TAF3: variants seen among roughly 807,000 people sequenced by gnomAD.
TAF3 encodes transcription initiation factor TFIID subunit 3.
Under a neutral mutation model 80.6 loss-of-function variants are expected in TAF3, and 7 were observed. The observed-to-expected ratio is 0.09, with a 90% CI of 0.05 to 0.16. The LOEUF (loss-of-function observed/expected upper bound fraction) is 0.16. TAF3 is among the 10% of genes least tolerant of loss of function. TAF3 has a pLI of 1.00. For missense variants in TAF3, 921 were observed against 1,140.2 expected (o/e 0.81, Z 2.77); for synonymous variants, 444 against 446.1 (o/e 1.00, Z 0.06).
rs1296075244 is a variant in TAF3 at position 7,955,442 on chromosome 10, A to T, written c.410-8478A>T. On this transcript the variant is annotated intron_variant, in intron 2 of 6. Transcript: ENST00000344293. ...ATACGTTTAATTTTTGATGAAATAT[A>T]TGCAGATAGCATTTTGTTGTTCCTT... 2.6e-5 allele frequency among the ~76,000 whole-genome samples: 4 copies of T among 152,248 alleles called. No individual in the cohort carries two copies. The East Asian group carries it at 7.7e-4, about 29-fold the overall frequency.
At chr10:7,976,486 C>T (rs992486782) in intron 3 of TAF3, among the ~76,000 whole-genome samples, 77 of 150,842 alleles carry the variant, frequency 5.1e-4, no homozygotes, top group Middle Eastern at 3.5e-3. Context: ...ATGATCTCGG[C>T]TCACTGTAAG....
At chr10:7,899,152 T>C (rs1320454777) in intron 2 of TAF3, among the ~76,000 whole-genome samples, 2 of 152,176 alleles carry the variant, frequency 1.3e-5, no homozygotes, top group African/African-American at 4.8e-5. Context: ...AGATTGAAGC[T>C]TTACTCAATA....
intron 2 of TAF3, among the ~76,000 whole-genome samples, chr10:7,940,944 GCAAGACCCTGTCT>G (rs1211764564): frequency 9.3e-5 from 14 of 151,010 alleles, no homozygotes; most frequent in Admixed American, 8.6e-4. Context: ...GGAAGACAGA[GCAAGACCCTGTCT>G]CAAAAAAGAA....
intron 4 of TAF3, among the ~76,000 whole-genome samples, chr10:7,982,540 A>G (rs1194836270): frequency 6.6e-6 from 1 of 152,092 alleles, no homozygotes; most frequent in Non-Finnish European, 1.5e-5. Context: ...CTAGGATTTC[A>G]GGCATGTGCC....
intron 2 of TAF3, among the ~76,000 whole-genome samples, chr10:7,944,693 G>A (rs909024966): frequency 6.6e-6 from 1 of 152,216 alleles, no homozygotes; most frequent in Non-Finnish European, 1.5e-5. Context: ...AATGGAATTG[G>A]TATATCTGTG....
At position 7,887,180 on chromosome 10, in the gene TAF3, C is replaced by T. The variant is rs189086367; in HGVS notation, c.409+62620C>T. On this transcript the variant is annotated intron_variant, in intron 2 of 6. Coordinates refer to ENST00000344293, the MANE Select transcript of TAF3 (RefSeq NM_031923.4). The stretch of plus-strand genomic sequence containing the variant: ...CCGGGAGGTGGAGCTTGCAGTGAGC[C>T]GAGATCGCACCACTGCACTCCTGCC... 8.2e-3 allele frequency among the ~76,000 whole-genome samples: 1,230 copies of T among 150,314 alleles called. 15 individuals carry two copies. The highest frequency in any genetic ancestry group is 0.027 in the African/African-American group (1,109 of 40,910).
At chr10:7,937,591 C>T (rs1837932982) in intron 2 of TAF3, among the ~76,000 whole-genome samples, 1 of 152,068 alleles carries the variant, frequency 6.6e-6, no homozygotes, top group Non-Finnish European at 1.5e-5. Context: ...GGTGACAGTC[C>T]TTTATCAGAT....
intron 1 of TAF3, among the ~76,000 whole-genome samples, chr10:7,821,279 A>G (rs192556363): frequency 3.3e-5 from 5 of 152,210 alleles, no homozygotes; most frequent in East Asian, 3.9e-4. Context: ...TCTTTTTTCT[A>G]TACCAGCCTT....
chr10:7,989,349 A>C (rs1163284429), intron 4 of TAF3, among the ~76,000 whole-genome samples: 1 of 152,192 alleles, frequency 6.6e-6, no homozygotes, highest in Non-Finnish European at 1.5e-5. Context: ...CTGTGTAGAG[A>C]CAGGCAAACC....
chr10:7,890,342 C>T (rs925352116), intron 2 of TAF3, among the ~76,000 whole-genome samples: 2 of 152,166 alleles, frequency 1.3e-5, no homozygotes, highest in African/African-American at 4.8e-5. Flanking sequence ...TGGTATAGCC[C>T]TTTATCATGC....
chr10:7,874,672 A>T (rs563367706), intron 2 of TAF3, among the ~76,000 whole-genome samples: 220 of 150,310 alleles, frequency 1.5e-3, no homozygotes, highest in African/African-American at 4.9e-3. Context: ...AAAAATATGG[A>T]CTCTAACAGA....
At chr10:7,915,149 C>T (rs373073559) in intron 2 of TAF3, among the ~76,000 whole-genome samples, 2 of 150,770 alleles carry the variant, frequency 1.3e-5, no homozygotes, top group South Asian at 2.1e-4. Flanking sequence ...ACCATGTTAG[C>T]CAGGATGGTC....
chr10:7,847,811 A>C (rs1006506917), intron 2 of TAF3, among the ~76,000 whole-genome samples: 1 of 152,138 alleles, frequency 6.6e-6, no homozygotes, highest in Non-Finnish European at 1.5e-5. Context: ...TCTGTCTTCC[A>C]GGCTGGAGTG....
chr10:7,888,112 G>A (rs924404738), intron 2 of TAF3, among the ~76,000 whole-genome samples: 13 of 151,934 alleles, frequency 8.6e-5, no homozygotes, highest in South Asian at 2.1e-4. Context: ...CATTCTTGTC[G>A]CCTGCAAGCA....
chr10:7,945,219 T>C (rs901353402), intron 2 of TAF3, among the ~76,000 whole-genome samples: 5 of 152,202 alleles, frequency 3.3e-5, no homozygotes, highest in African/African-American at 1.2e-4. Flanking sequence ...TCTCACCTTA[T>C]GAAATGTGAA....
intron 2 of TAF3, among the ~76,000 whole-genome samples, chr10:7,885,600 A>G (rs937671881): frequency 4.6e-5 from 7 of 152,058 alleles, no homozygotes; most frequent in Non-Finnish European, 8.8e-5. Context: ...TGTCTCTTTC[A>G]GATTTATTTT....
intron 2 of TAF3, among the ~76,000 whole-genome samples, chr10:7,840,177 G>T (rs1463329201): frequency 6.6e-6 from 1 of 150,440 alleles, no homozygotes; most frequent in Non-Finnish European, 1.5e-5. Context: ...TTTCGAGACG[G>T]AGTCTCACAC....
At chr10:8,012,117 A>G (rs1360136926) in intron 5 of TAF3, among the ~76,000 whole-genome samples, 2 of 152,200 alleles carry the variant, frequency 1.3e-5, no homozygotes, top group African/African-American at 2.4e-5. Flanking sequence ...GGTCAAGGCT[A>G]CAGTGAGCCA....
At chr10:8,004,423 T>G (rs1385232345) in intron 4 of TAF3, among the ~76,000 whole-genome samples, 4 of 152,138 alleles carry the variant, frequency 2.6e-5, no homozygotes, top group Admixed American at 2.6e-4. Context: ...TTTTAGGAAT[T>G]TAAAGGGGCC....
Sources: allele counts gnomAD v4.1 joint callset (sites outside exome capture counted in the v4.1 genomes callset), GRCh38; gene constraint gnomAD v4.1.1; transcripts MANE v1.5; gene names NCBI Gene and HGNC (gene_info 2026-07-23, HGNC 2026-07-21).